Variants in ANXA6 observed in about 807,000 individuals in gnomAD.
ANXA6 encodes the protein annexin A6.
In ANXA6, 71 loss-of-function variants were observed where a neutral mutation model predicts 95.4. The observed-to-expected ratio is 0.74, with a 90% CI of 0.61 to 0.91. The LOEUF is 0.91. Among genes scored for constraint, ANXA6 ranks in the 40% least tolerant of loss-of-function variants. The probability of loss-of-function intolerance (pLI) is 0.00; values close to 1 mark genes in which losing one functional copy is unlikely to be tolerated. For missense variants in ANXA6, 830 were observed against 876.4 expected (o/e 0.95, Z 0.67); for synonymous variants, 289 against 315.9 (o/e 0.91, Z 0.90).
intron 11 of ANXA6, among the ~76,000 whole-genome samples, chr5:151,130,414 C>T (rs1448666547): frequency 1.3e-5 from 2 of 152,076 alleles, no homozygotes; most frequent in Non-Finnish European, 2.9e-5. Context: ...CAGTCCCTGG[C>T]TAGTTCTATT....
intron 10 of ANXA6, among the ~76,000 whole-genome samples, chr5:151,132,099 G>A (rs1473700710): frequency 1.3e-5 from 2 of 152,174 alleles, no homozygotes; most frequent in Admixed American, 1.3e-4. Flanking sequence ...CTGTGAAATA[G>A]AGATCATGGC....
At chr5:151,141,753 C>A in intron 2 of ANXA6, 2 of 977,932 alleles carry the variant, frequency 2.0e-6, no homozygotes, top group Non-Finnish European at 2.4e-6. Context: ...TTCCTGCCAC[C>A]TGGGAATCCC....
At chr5:151,104,903 G>T (rs1229297380) in intron 24 of ANXA6, among the ~76,000 whole-genome samples, 1 of 152,248 alleles carries the variant, frequency 6.6e-6, no homozygotes, top group Non-Finnish European at 1.5e-5. Flanking sequence ...TTTGGGGCTG[G>T]ATAATTCTTT....
intron 19 of ANXA6, 40 bp downstream of exon 19, chr5:151,117,718 C>T (rs1464808497): frequency 6.4e-7 from 1 of 1,571,268 alleles, no homozygotes; most frequent in African/African-American, 1.4e-5. Flanking sequence ...CCCAGGCCTC[C>T]CGATGGGCAA....
intron 1 of ANXA6, among the ~76,000 whole-genome samples, chr5:151,152,027 G>A (rs754210137): frequency 9.9e-5 from 15 of 152,120 alleles, no homozygotes; most frequent in African/African-American, 2.9e-4. Flanking sequence ...CTTCCCCTTC[G>A]AGAGTTCCAG....
intron 17 of ANXA6, among the ~76,000 whole-genome samples, chr5:151,120,585 G>A (rs554430160): frequency 2.0e-5 from 3 of 152,244 alleles, no homozygotes; most frequent in South Asian, 2.1e-4. Context: ...TGGTCGTGGT[G>A]GCGTGCGCCT....
chr5:151,135,001 T>C (rs1765616875), intron 7 of ANXA6, among the ~76,000 whole-genome samples: 1 of 152,236 alleles, frequency 6.6e-6, no homozygotes, highest in South Asian at 2.1e-4. Flanking sequence ...CAAATCCTAA[T>C]GGTGCTTCTG....
intron 1 of ANXA6, among the ~76,000 whole-genome samples, chr5:151,153,953 A>G (rs1439370663): frequency 6.6e-6 from 1 of 152,098 alleles, no homozygotes; most frequent in East Asian, 1.9e-4. Flanking sequence ...CCCCTCCCAT[A>G]GGGCGTGGCT....
chr5:151,156,010 T>G (rs1315595610), intron 1 of ANXA6, among the ~76,000 whole-genome samples: 1 of 152,262 alleles, frequency 6.6e-6, no homozygotes, highest in Non-Finnish European at 1.5e-5. Context: ...TGGGCTTCCC[T>G]GGCCCCTCCT....
intron 7 of ANXA6, 115 bp from the exon 8 acceptor site, chr5:151,134,598 C>T: frequency 9.8e-7 from 1 of 1,017,268 alleles, no homozygotes; most frequent in Admixed American, 1.7e-5. Context: ...CAGATGTGTC[C>T]AGAAGCAGTG....
In ANXA6 at chr5:151,101,307, A is replaced by G. The variant is rs1375581459; in HGVS notation, c.*141T>C. On this transcript the variant is annotated 3_prime_UTR_variant, in exon 26 of 26. Transcript: ENST00000354546. ...GGAGTGGGAGCGTTTCCTAAGCTCC[A>G]CTGAAGATAAGAGCCCAACCCAACC... The G allele has an allele frequency of 1.4e-6, 1 of 731,890 alleles. No homozygotes were observed. Among genetic ancestry groups the G allele is most frequent in the African/African-American group, 1.8e-5 (1 of 56,912 alleles). The allele number at this position is 731,890 out of a possible 1,614,324, so 45.3% of individuals were successfully genotyped here. A position where few individuals can be genotyped will look rare whatever the true frequency, so the allele number is the denominator to read the frequency against.
At chr5:151,115,683 G>A (rs1025803400) in intron 20 of ANXA6, among the ~76,000 whole-genome samples, 2 of 152,238 alleles carry the variant, frequency 1.3e-5, no homozygotes, top group Non-Finnish European at 2.9e-5. Context: ...TGAATGAAAT[G>A]TGGCCTCAGC....
At chr5:151,119,912 C>T (rs944883113) in intron 17 of ANXA6, among the ~76,000 whole-genome samples, 8 of 152,156 alleles carry the variant, frequency 5.3e-5, no homozygotes, top group African/African-American at 1.7e-4. Context: ...CAGAGTCTTG[C>T]TCTGTCGCCC....
rs760243881 is a variant in ANXA6, at chr5:151,110,649, G to A, written c.1573-5C>T. The stretch of plus-strand genomic sequence containing the variant: ...CACCAAGATCTCAGCAGCCACCTGA[G>A]AGCAGGGAGGGGAGAGAGGAGGGAG... On this transcript the variant is annotated splice_region_variant and splice_polypyrimidine_tract_variant and intron_variant, in intron 20 of 25. Transcript: ENST00000354546. The A allele has an allele frequency of 1.3e-5, 21 of 1,613,296 alleles. No individual in the cohort carries two copies. In the South Asian group the frequency reaches 2.2e-4, roughly 17 times the overall value.
In ANXA6 at chr5:151,114,477, G is replaced by C. The variant is rs529002754; in HGVS notation, c.1572+2650C>G. 2.1e-4 allele frequency among the ~76,000 whole-genome samples: 32 copies of C among 151,970 alleles called. No homozygotes were observed. In the South Asian group the frequency reaches 5.8e-3, roughly 28 times the overall value. ...AAATACAAAAAAATTAGCTGGGCAT[G>C]GTGTTGGGAGCTTGTAATCCCAGCT... On this transcript the variant is annotated intron_variant, in intron 20 of 25. Coordinates refer to ENST00000354546, the MANE Select transcript of ANXA6 (RefSeq NM_001155.5).
chr5:151,101,810 C>T (rs1035992734), intron 25 of ANXA6, among the ~76,000 whole-genome samples: 1 of 152,198 alleles, frequency 6.6e-6, no homozygotes, highest in African/African-American at 2.4e-5. Flanking sequence ...AGTCCTCTCT[C>T]CACCTGTCAC....
At chr5:151,142,138 G>A (rs747113584) in intron 2 of ANXA6, among the ~76,000 whole-genome samples, 8 of 152,306 alleles carry the variant, frequency 5.3e-5, no homozygotes, top group Non-Finnish European at 8.8e-5. Context: ...CCAGTCCAGC[G>A]ATATCAAAAA....
chr5:151,135,577 G>A (rs1429610010), intron 7 of ANXA6, among the ~76,000 whole-genome samples: 7 of 152,154 alleles, frequency 4.6e-5, no homozygotes, highest in Admixed American at 1.3e-4. Context: ...TGTTCCCATC[G>A]TGCCTGTGGT....
At chr5:151,110,775 C>T (rs565069868) in intron 20 of ANXA6, 131 bp from the exon 21 acceptor site, 17 of 890,984 alleles carry the variant, frequency 1.9e-5, no homozygotes, top group Non-Finnish European at 2.7e-5. Flanking sequence ...TCCCAAGAGA[C>T]CTGAGAGAAC....
Sources: gnomAD v4.1 joint callset for allele counts (sites outside exome capture counted in the v4.1 genomes callset) on GRCh38, gnomAD v4.1.1 for gene constraint, MANE v1.5 for transcripts, NCBI Gene and HGNC (gene_info 2026-07-23, HGNC 2026-07-21) for gene names.